GPC6: variants seen among roughly 807,000 people sequenced by gnomAD.
GPC6 encodes the protein glypican-6.
A neutral mutation model predicts 55.2 loss-of-function variants in GPC6; 14 were observed. That is an observed-to-expected ratio of 0.25 (90% confidence interval 0.17 to 0.40). The LOEUF (loss-of-function observed/expected upper bound fraction) is 0.40. GPC6 is among the 10% of genes least tolerant of loss of function. GPC6 has a pLI of 1.00. For synonymous variants in GPC6, 278 were observed against 259.6 expected, an observed-to-expected ratio of 1.07 and a Z score of -0.68; for missense variants, 641 against 708.5, an observed-to-expected ratio of 0.90 and a Z score of 1.08.
At chr13:93,959,873 C>T (rs1660642108) in intron 3 of GPC6, among the ~76,000 whole-genome samples, 2 of 152,182 alleles carry the variant, frequency 1.3e-5, no homozygotes, top group South Asian at 2.1e-4. Context: ...CTCAAGATCA[C>T]GCAGCTAGTA....
At chr13:93,469,388 T>A (rs1879029068) in intron 1 of GPC6, among the ~76,000 whole-genome samples, 1 of 152,178 alleles carries the variant, frequency 6.6e-6, no homozygotes, top group Non-Finnish European at 1.5e-5. Context: ...AGTCCTTTGC[T>A]GGATAAATAA....
At chr13:93,311,926 T>G (rs1879081928) in intron 1 of GPC6, among the ~76,000 whole-genome samples, 1 of 152,116 alleles carries the variant, frequency 6.6e-6, no homozygotes, top group Non-Finnish European at 1.5e-5. Context: ...GCAGAAGCAA[T>G]TTTAGCTCCT....
intron 2 of GPC6, among the ~76,000 whole-genome samples, chr13:93,702,523 A>C: frequency 6.6e-6 from 1 of 152,018 alleles, no homozygotes; most frequent in East Asian, 1.9e-4. Context: ...CATCCTGTCT[A>C]TTGAATCTTT....
intron 1 of GPC6, among the ~76,000 whole-genome samples, chr13:93,422,171 G>A (rs1380198647): frequency 1.3e-5 from 2 of 151,984 alleles, no homozygotes; most frequent in East Asian, 3.9e-4. Context: ...CTTCCCCCAC[G>A]ATTATTCCAT....
At chr13:93,769,461 A>T (rs1242981261) in intron 2 of GPC6, among the ~76,000 whole-genome samples, 2 of 151,830 alleles carry the variant, frequency 1.3e-5, no homozygotes, top group African/African-American at 4.8e-5. Context: ...CAGCCCCAAA[A>T]AGCAGCAGGG....
At chr13:94,142,428 C>A (rs995844131) in intron 4 of GPC6, among the ~76,000 whole-genome samples, 1 of 152,112 alleles carries the variant, frequency 6.6e-6, no homozygotes, top group Non-Finnish European at 1.5e-5. Flanking sequence ...TTCTAGTAAA[C>A]CTTTTGGAGG....
intron 1 of GPC6, among the ~76,000 whole-genome samples, chr13:93,333,526 A>G (rs866294654): frequency 7.3e-6 from 1 of 137,568 alleles, no homozygotes; most frequent in Admixed American, 7.3e-5. Context: ...TAAAAATGCT[A>G]TTGAATTTTT....
intron 4 of GPC6, among the ~76,000 whole-genome samples, chr13:94,035,300 G>A (rs1244812764): frequency 3.1e-5 from 4 of 128,942 alleles, no homozygotes; most frequent in Non-Finnish European, 6.7e-5. Flanking sequence ...TCTTTACAGT[G>A]GAATTAAATC....
At chr13:93,443,011 A>C (rs1325259184) in intron 1 of GPC6, among the ~76,000 whole-genome samples, 1 of 152,164 alleles carries the variant, frequency 6.6e-6, no homozygotes, top group African/African-American at 2.4e-5. Flanking sequence ...TCTAGAAAAC[A>C]AGTAGAAGCC....
chr13:94,234,916 C>T (rs1890834639), intron 4 of GPC6, among the ~76,000 whole-genome samples: 1 of 152,046 alleles, frequency 6.6e-6, no homozygotes. Flanking sequence ...AGTAGTCAAA[C>T]TCATAGAGAC....
At chr13:94,322,128 G>T (rs971064531) in intron 6 of GPC6, among the ~76,000 whole-genome samples, 2 of 152,104 alleles carry the variant, frequency 1.3e-5, no homozygotes, top group Non-Finnish European at 2.9e-5. Context: ...GAATCATGGG[G>T]GCAGTTTCCC....
chr13:94,272,676 G>GAAA (rs1892079195), intron 4 of GPC6, among the ~76,000 whole-genome samples: 1 of 151,784 alleles, frequency 6.6e-6, no homozygotes, highest in African/African-American at 2.4e-5. Flanking sequence ...CACCGTGTTA[G>GAAA]CCAGGATGGT....
intron 3 of GPC6, among the ~76,000 whole-genome samples, chr13:93,886,117 C>T (rs1875310650): frequency 6.6e-6 from 1 of 151,946 alleles, no homozygotes; most frequent in Non-Finnish European, 1.5e-5. Context: ...ATGGCTATGC[C>T]AAAGTTTTGG....
intron 1 of GPC6, among the ~76,000 whole-genome samples, chr13:93,512,213 C>A (rs78638314): frequency 0.013 from 2,044 of 152,088 alleles, 44 homozygotes; most frequent in African/African-American, 0.041. Context: ...CAGGGCTATA[C>A]TGAATAAAAG....
upstream of GPC6, among the ~76,000 whole-genome samples, chr13:93,223,971 C>T (rs1875689303): frequency 6.9e-6 from 1 of 144,204 alleles, no homozygotes; most frequent in Admixed American, 7.2e-5. Context: ...GGGATCTCGG[C>T]TCACTGCAAG....
intron 4 of GPC6, among the ~76,000 whole-genome samples, chr13:94,081,967 A>G (rs1179017141): frequency 6.6e-6 from 1 of 151,262 alleles, no homozygotes; most frequent in Non-Finnish European, 1.5e-5. Flanking sequence ...CAGCCTCCCA[A>G]GTAGCTGGGA....
rs1040538636 is a variant in GPC6, at chr13:94,013,460, C to G, written c.712-14269C>G. Among the ~76,000 whole-genome samples the G allele has an allele frequency of 4.6e-5, 7 of 152,158 alleles. 1 individual carries two copies. The highest frequency in any genetic ancestry group is 1.0e-4 in the Non-Finnish European group (7 of 68,030). ...CTGCCTCCCAGGTTCAAGCGATTCTCCTGCCTCAGCTTCCCAAGTAGCTGG... is the reference window on the plus strand; with the variant it reads ...CTGCCTCCCAGGTTCAAGCGATTCTGCTGCCTCAGCTTCCCAAGTAGCTGG... On this transcript the variant is annotated intron_variant, in intron 3 of 8. Transcript: ENST00000377047.
intron 3 of GPC6, among the ~76,000 whole-genome samples, chr13:93,866,975 C>T (rs2139033128): frequency 6.6e-6 from 1 of 151,830 alleles, no homozygotes; most frequent in South Asian, 2.1e-4. Context: ...CATCTTCTGT[C>T]TTATTCCTTT....
chr13:93,918,541 A>G (rs999226462), intron 3 of GPC6, among the ~76,000 whole-genome samples: 19 of 152,200 alleles, frequency 1.2e-4, no homozygotes, highest in African/African-American at 4.1e-4. Flanking sequence ...AATGTCCCAC[A>G]TTAAAGTTTA....
Sources: gnomAD v4.1 joint callset for allele counts (sites outside exome capture counted in the v4.1 genomes callset) on GRCh38, gnomAD v4.1.1 for gene constraint, MANE v1.5 for transcripts, NCBI Gene and HGNC (gene_info 2026-07-23, HGNC 2026-07-21) for gene names.